Variants in UTRN observed in about 807,000 individuals in gnomAD.
UTRN encodes the protein dystrophin-related protein 1.
A neutral mutation model predicts 463.9 loss-of-function variants in UTRN; 283 were observed. The ratio of observed to expected loss-of-function variants is 0.61; its 90% CI spans 0.55 to 0.67. UTRN has a LOEUF of 0.67. Ranked by LOEUF, UTRN falls within the 30% of genes least tolerant of loss-of-function variation. The pLI is 0.00. For synonymous variants in UTRN, 1,442 were observed against 1,431.5 expected (o/e 1.01, Z -0.17); for missense variants, 3,922 against 4,084.3 (o/e 0.96, Z 1.08).
At chr6:144,675,355 G>A (rs749218459) in intron 51 of UTRN, among the ~76,000 whole-genome samples, 8 of 152,204 alleles carry the variant, frequency 5.3e-5, no homozygotes, top group African/African-American at 9.6e-5. Context: ...CTCCAGTGGA[G>A]GCTGCAGGGG....
chr6:144,828,579 G>T (rs1780393602), intron 68 of UTRN, among the ~76,000 whole-genome samples: 1 of 152,132 alleles, frequency 6.6e-6, no homozygotes, highest in Non-Finnish European at 1.5e-5. Flanking sequence ...TTTACAACAT[G>T]GCGTAAGATA....
intron 53 of UTRN, among the ~76,000 whole-genome samples, chr6:144,724,856 G>T (rs1404327745): frequency 6.6e-6 from 1 of 152,196 alleles, no homozygotes; most frequent in African/African-American, 2.4e-5. Flanking sequence ...TATTTGGGTT[G>T]TGTCCATCTT....
chr6:144,508,139 A>G (rs1794844897), intron 34 of UTRN, among the ~76,000 whole-genome samples: 1 of 152,166 alleles, frequency 6.6e-6, no homozygotes, highest in South Asian at 2.1e-4. Flanking sequence ...CCTGGCAGCG[A>G]GAATTTCCAG....
chr6:144,533,635 T>G (rs1287849707), intron 43 of UTRN, among the ~76,000 whole-genome samples: 7 of 152,092 alleles, frequency 4.6e-5, no homozygotes, highest in Admixed American at 1.3e-4. Flanking sequence ...GAGCCTACCT[T>G]AGTAATACGT....
At chr6:144,522,309 A>C (rs1420323664) in intron 40 of UTRN, 138 bp downstream of exon 40, 1 of 627,782 alleles carries the variant, frequency 1.6e-6, no homozygotes, top group Non-Finnish European at 2.4e-6. Context: ...TGACTAGTAA[A>C]GCTTTCCTAT....
At position 144,758,985 on chromosome 6, in the gene UTRN, T is replaced by C. The variant is rs573395693; in HGVS notation, c.8495+996T>C. Among the ~76,000 whole-genome samples the C allele has an allele frequency of 5.3e-5, 8 of 152,262 alleles. No individual in the cohort carries two copies. In the East Asian group the frequency reaches 1.2e-3, roughly 22 times the overall value. On this transcript the variant is annotated intron_variant, in intron 58 of 74. Coordinates refer to ENST00000367545, the MANE Select transcript of UTRN (RefSeq NM_007124.3). Reference sequence around the variant, plus strand: ...CTATACAAATGCTAATAATCTGCTCTTCCAGTATACTTCCTGAAAACGTTG... The same window carrying C: ...CTATACAAATGCTAATAATCTGCTCCTCCAGTATACTTCCTGAAAACGTTG...
chr6:144,577,001 T>A, intron 50 of UTRN, 98 bp from the exon 51 acceptor site: 1 of 1,186,762 alleles, frequency 8.4e-7, no homozygotes, highest in Non-Finnish European at 1.2e-6. Flanking sequence ...AAAGGTCCTT[T>A]GGGGGCTGCC....
intron 2 of UTRN, among the ~76,000 whole-genome samples, chr6:144,354,744 G>A (rs2114667958): frequency 6.6e-6 from 1 of 152,192 alleles, no homozygotes; most frequent in South Asian, 2.1e-4. Context: ...AGTGTGGGTT[G>A]GGTGCCCCTC....
chr6:144,413,629 A>G (rs1784108910), intron 3 of UTRN, among the ~76,000 whole-genome samples: 1 of 152,180 alleles, frequency 6.6e-6, no homozygotes, highest in African/African-American at 2.4e-5. Flanking sequence ...GGGTGGGGAC[A>G]CAGCCAAACT....
At chr6:144,489,086 G>A (rs890827549) in intron 30 of UTRN, among the ~76,000 whole-genome samples, 11 of 151,550 alleles carry the variant, frequency 7.3e-5, no homozygotes, top group Non-Finnish European at 1.5e-4. Context: ...ATCCCACTAT[G>A]TCACCCAGGC....
chr6:144,810,377 A>G (rs1437974103), intron 65 of UTRN, among the ~76,000 whole-genome samples: 1 of 152,178 alleles, frequency 6.6e-6, no homozygotes. Context: ...AAAAGATGTT[A>G]TAGGAAATGG....
chr6:144,484,567 C>T (rs191069318), intron 27 of UTRN, among the ~76,000 whole-genome samples: 15 of 150,794 alleles, frequency 9.9e-5, no homozygotes, highest in South Asian at 8.4e-4. Context: ...CTCAGCCTCC[C>T]GAGTAGCTGG....
intron 53 of UTRN, among the ~76,000 whole-genome samples, chr6:144,712,918 T>A (rs1785898348): frequency 6.6e-6 from 1 of 152,068 alleles, no homozygotes; most frequent in South Asian, 2.1e-4. Flanking sequence ...TGTTTTGGAG[T>A]ATGCAGTAGA....
intron 19 of UTRN, among the ~76,000 whole-genome samples, chr6:144,455,975 A>T (rs1788770802): frequency 6.6e-6 from 1 of 152,198 alleles, no homozygotes; most frequent in African/African-American, 2.4e-5. Context: ...CCTAATGTAT[A>T]CTTGCCCAAT....
intron 51 of UTRN, among the ~76,000 whole-genome samples, chr6:144,593,386 C>T (rs1803317469): frequency 6.6e-6 from 1 of 152,042 alleles, no homozygotes; most frequent in Admixed American, 6.6e-5. Flanking sequence ...TAGAGGCCTC[C>T]AATTGGTTAC....
intron 51 of UTRN, among the ~76,000 whole-genome samples, chr6:144,656,156 C>T (rs1242509737): frequency 6.6e-6 from 1 of 152,170 alleles, no homozygotes; most frequent in Non-Finnish European, 1.5e-5. Flanking sequence ...AAGCATATTC[C>T]ACCTACTGAG....
chr6:144,383,268 G>C (rs971470512), intron 2 of UTRN, among the ~76,000 whole-genome samples: 2 of 152,108 alleles, frequency 1.3e-5, no homozygotes, highest in Non-Finnish European at 2.9e-5. Context: ...TGCAGAGCTG[G>C]AACATCCAAC....
At chr6:144,368,823 T>C (rs946469897) in intron 2 of UTRN, among the ~76,000 whole-genome samples, 57 of 152,034 alleles carry the variant, frequency 3.7e-4, no homozygotes, top group African/African-American at 1.2e-3. Context: ...AAAGTTAGGG[T>C]CCGTTTAGTG....
rs1333345396 is a variant in UTRN at position 144,548,857 on chromosome 6, A to C, written c.6810+3A>C. Reference sequence around the variant, plus strand: ...ATAAGACCGTTTCCCGAATGAAAGTAGGTGCATAGTGTAAAAGCTTGTCAT... The same window carrying C: ...ATAAGACCGTTTCCCGAATGAAAGTCGGTGCATAGTGTAAAAGCTTGTCAT... On this transcript the variant is annotated splice_donor_region_variant and intron_variant, in intron 47 of 74. Transcript: ENST00000367545. The C allele has an allele frequency of 6.2e-7, 1 of 1,613,484 alleles. No homozygotes were observed. The highest frequency in any genetic ancestry group is 8.5e-7 in the Non-Finnish European group (1 of 1,179,786).
Sources: gnomAD v4.1 joint callset for allele counts (sites outside exome capture counted in the v4.1 genomes callset) on GRCh38, gnomAD v4.1.1 for gene constraint, MANE v1.5 for transcripts, NCBI Gene and HGNC (gene_info 2026-07-23, HGNC 2026-07-21) for gene names.